Variants in GLG1 observed in about 807,000 individuals in gnomAD.
The protein encoded by GLG1 is Golgi apparatus protein 1.
Under a neutral mutation model 160.5 loss-of-function variants are expected in GLG1, and 38 were observed. The observed-to-expected ratio is 0.24, with a 90% CI of 0.18 to 0.31. GLG1 has a LOEUF of 0.31. GLG1 is among the 10% of genes least tolerant of loss of function. The pLI, the probability that GLG1 is intolerant of heterozygous loss-of-function variation, is 1.00. For synonymous variants in GLG1, 644 were observed against 543.4 expected, an observed-to-expected ratio of 1.19 and a Z score of -2.57; for missense variants, 1,373 against 1,505.2, an observed-to-expected ratio of 0.91 and a Z score of 1.45.
intron 2 of GLG1, among the ~76,000 whole-genome samples, chr16:74,514,747 A>C (rs899829903): frequency 2.4e-4 from 37 of 152,324 alleles, no homozygotes; most frequent in Non-Finnish European, 8.8e-5. Context: ...GGTCGAAATA[A>C]CCAGCTAGCA....
intron 19 of GLG1, among the ~76,000 whole-genome samples, chr16:74,464,993 C>G (rs993356205): frequency 6.6e-6 from 1 of 152,150 alleles, no homozygotes; most frequent in African/African-American, 2.4e-5. Flanking sequence ...CATGTGCCAC[C>G]ACACCCGGCT....
intron 1 of GLG1, among the ~76,000 whole-genome samples, chr16:74,591,885 T>TC (rs1431062375): frequency 2.6e-5 from 4 of 152,194 alleles, no homozygotes; most frequent in African/African-American, 7.2e-5. Context: ...CTATTCTTTT[T>TC]CCCCTTATAC....
Position 74,452,069 on chromosome 16 carries a change from C to T in GLG1, c.*1098G>A. 5.6e-6 allele frequency: 9 copies of T among 1,612,544 alleles called. No homozygotes were observed. Among genetic ancestry groups the T allele is most frequent in the Non-Finnish European group, 7.6e-6 (9 of 1,178,572 alleles). ...TGTGCAGAAAGGTCAGGCTGGACTG[C>T]CTGTCACATCCTGAGACCACACTAA... is the stretch of plus-strand genomic sequence containing the variant. On this transcript the variant is annotated 3_prime_UTR_variant, in exon 26 of 26. Transcript: ENST00000422840.
chr16:74,597,397 C>G (rs1336700720), intron 1 of GLG1, among the ~76,000 whole-genome samples: 1 of 147,748 alleles, frequency 6.8e-6, no homozygotes, highest in Non-Finnish European at 1.5e-5. Context: ...TGCCACTGCC[C>G]TCCAGCCTGG....
At chr16:74,501,975 G>T (rs2016419865) in intron 4 of GLG1, among the ~76,000 whole-genome samples, 1 of 152,192 alleles carries the variant, frequency 6.6e-6, no homozygotes, top group Non-Finnish European at 1.5e-5. Flanking sequence ...TCATATTAAG[G>T]AAAGGGCATC....
rs1464543612 is a variant in GLG1 at position 74,457,908 on chromosome 16, G to A, written c.3231C>T (p.His1077=). ...GGCCAGGGGTGATGGCTGCGCAGTG[G>A]TGTTTAATGTCCAGGGCACAAGCAG... ...LHTACALDIK[H]HCAAITPGRG... is the part of the protein sequence containing the mutation. Residue 1077 remains histidine (H), a synonymous_variant, in exon 24 of 26, where the codon CAC becomes CAT. Transcript: ENST00000422840. 2 of 1,613,948 alleles carry A rather than the reference G, an allele frequency of 1.2e-6. No individual in the cohort carries two copies. Among genetic ancestry groups the A allele is most frequent in the Admixed American group, 1.7e-5 (1 of 60,012 alleles).
chr16:74,456,884 A>C, intron 24 of GLG1, 129 bp from the exon 25 acceptor site: 1 of 664,532 alleles, frequency 1.5e-6, no homozygotes, highest in South Asian at 1.7e-5. Flanking sequence ...AGTTAAATAC[A>C]TACTAGGAAA....
intron 4 of GLG1, among the ~76,000 whole-genome samples, chr16:74,498,469 A>ATATATATATATATATATATATATATATAT (rs2016291278): frequency 5.6e-5 from 2 of 35,934 alleles, no homozygotes; most frequent in East Asian, 1.0e-3. Context: ...TATATATATT[A>ATATATATATATATATATATATATATATAT]TATTTTATAT....
intron 2 of GLG1, among the ~76,000 whole-genome samples, chr16:74,527,225 T>C (rs2017364305): frequency 6.6e-6 from 1 of 151,548 alleles, no homozygotes. Flanking sequence ...ATACTGTTAT[T>C]GTTTTGGCTT....
At chr16:74,544,313 G>C (rs8052330) in intron 1 of GLG1, among the ~76,000 whole-genome samples, 1 of 152,160 alleles carries the variant, frequency 6.6e-6, no homozygotes, top group African/African-American at 2.4e-5. Context: ...ACATGTTTTT[G>C]TTTTGTTTTG....
At chr16:74,593,070 T>C (rs1448335621) in intron 1 of GLG1, among the ~76,000 whole-genome samples, 1 of 152,174 alleles carries the variant, frequency 6.6e-6, no homozygotes, top group African/African-American at 2.4e-5. Flanking sequence ...CATTCTGCCA[T>C]GGGATGATGC....
At chr16:74,479,949 AC>A (rs2015537290) in intron 11 of GLG1, among the ~76,000 whole-genome samples, 1 of 152,210 alleles carries the variant, frequency 6.6e-6, no homozygotes, top group African/African-American at 2.4e-5. Flanking sequence ...TAAAGTTAGG[AC>A]AGCAGAATTT....
chr16:74,600,562 G>A (rs915558334), intron 1 of GLG1, among the ~76,000 whole-genome samples: 4 of 150,300 alleles, frequency 2.7e-5, no homozygotes, highest in African/African-American at 9.8e-5. Flanking sequence ...CGAAACCCCC[G>A]TTTTACTAAA....
At chr16:74,571,528 C>A (rs2018826512) in intron 1 of GLG1, among the ~76,000 whole-genome samples, 1 of 151,924 alleles carries the variant, frequency 6.6e-6, no homozygotes, top group African/African-American at 2.4e-5. Flanking sequence ...ATAAAATTAG[C>A]CAGGTGCCAG....
Position 74,448,750 on chromosome 16 carries a change from CAAAAGAAAAAA to C in GLG1, c.*4406_*4416del, listed in dbSNP as rs2014170625. The C allele has an allele frequency of 1.8e-5, 2 of 110,784 alleles. No homozygotes were observed. Among genetic ancestry groups the C allele is most frequent in the African/African-American group, 7.3e-5 (2 of 27,296 alleles). The allele number at this position is 110,784 out of a possible 1,614,324, so 6.9% of individuals were successfully genotyped here. A position where few individuals can be genotyped will look rare whatever the true frequency, so the allele number is the denominator to read the frequency against. On this transcript the variant is annotated 3_prime_UTR_variant, in exon 26 of 26. Transcript: ENST00000422840. ...CTGGGCAACGAGTGAAACTGTGTCT[CAAAAGAAAAAA>C]AAAAAAAAGGCCAGGCCGGGCGTGG...
chr16:74,535,499 T>A (rs1039964539), intron 1 of GLG1, among the ~76,000 whole-genome samples: 1 of 152,248 alleles, frequency 6.6e-6, no homozygotes, highest in Non-Finnish European at 1.5e-5. Context: ...GTGGCACCAT[T>A]ATGGCTCAAT....
intron 1 of GLG1, among the ~76,000 whole-genome samples, chr16:74,597,598 A>G (rs950878820): frequency 4.6e-5 from 7 of 152,128 alleles, no homozygotes; most frequent in Non-Finnish European, 7.4e-5. Context: ...TCACGCCTGT[A>G]ATCCCAACAC....
At chr16:74,591,062 G>A (rs926492456) in intron 1 of GLG1, among the ~76,000 whole-genome samples, 2 of 152,144 alleles carry the variant, frequency 1.3e-5, no homozygotes, top group East Asian at 1.9e-4. Flanking sequence ...GCCGGATGCC[G>A]TGGCTCACAC....
intron 1 of GLG1, among the ~76,000 whole-genome samples, chr16:74,538,385 G>T (rs962113620): frequency 6.6e-6 from 1 of 152,048 alleles, no homozygotes; most frequent in Non-Finnish European, 1.5e-5. Context: ...AAGCCCCAAT[G>T]ACAATGAAGA....
Sources: allele counts gnomAD v4.1 joint callset (sites outside exome capture counted in the v4.1 genomes callset), GRCh38; gene constraint gnomAD v4.1.1; transcripts MANE v1.5; gene names NCBI Gene and HGNC (gene_info 2026-07-23, HGNC 2026-07-21).